Variants in ATP2A3 observed in about 807,000 individuals in gnomAD.
ATP2A3 encodes sarcoplasmic/endoplasmic reticulum calcium ATPase 3.
A neutral mutation model predicts 106.8 loss-of-function variants in ATP2A3; 61 were observed. The ratio of observed to expected loss-of-function variants is 0.57; its 90% CI spans 0.46 to 0.71. The LOEUF (loss-of-function observed/expected upper bound fraction) is 0.71. Among genes scored for constraint, ATP2A3 ranks in the 30% least tolerant of loss-of-function variants. The pLI is 0.00. For missense variants in ATP2A3, 1,201 were observed against 1,423.5 expected (o/e 0.84, Z 2.52); for synonymous variants, 611 against 609.3 (o/e 1.00, Z -0.04).
Position 3,929,511 on chromosome 17 carries a change from C to T in ATP2A3, c.2745-66G>A. 2 of 1,353,182 alleles carry T rather than the reference C, an allele frequency of 1.5e-6. No individual in the cohort carries two copies. The highest frequency in any genetic ancestry group is 2.1e-6 in the Non-Finnish European group (2 of 971,866). The allele number at this position is 1,353,182 out of a possible 1,614,324, so 83.8% of individuals were successfully genotyped here. ...GGAGGCCCTGCCAGGCACCCACCCC[C>T]ATGGGAGGAGCCTCACCACTTCTCT... On this transcript the variant is annotated intron_variant, in intron 18 of 20. Transcript: ENST00000397041. The surrounding 1 kb of genome is among the most constrained non-coding windows in gnomAD (Gnocchi z 4.3).
intron 20 of ATP2A3, chr17:3,927,921 C>G (rs772625145): frequency 6.2e-7 from 1 of 1,608,524 alleles, no homozygotes; most frequent in East Asian, 2.2e-5. Flanking sequence ...TAGGCCCCTG[C>G]ACAGCAGTCC....
At chr17:3,962,870 C>T (rs1247403250) in intron 1 of ATP2A3, among the ~76,000 whole-genome samples, 1 of 152,152 alleles carries the variant, frequency 6.6e-6, no homozygotes, top group Non-Finnish European at 1.5e-5. Context: ...GACCTGCCTG[C>T]GCCGGCCCTC....
At chr17:3,937,021 A>G (rs1239141090) in intron 15 of ATP2A3, 2 of 342,950 alleles carry the variant, frequency 5.8e-6, no homozygotes, top group East Asian at 1.5e-4. Context: ...TGCAAAATAT[A>G]CACATTACAC....
chr17:3,951,546 G>GCCCCCCCCCCCCGGCCCCCCCCC, intron 4 of ATP2A3, 35 bp downstream of exon 4: 2 of 1,319,568 alleles, frequency 1.5e-6, no homozygotes, highest in Non-Finnish European at 2.1e-6. Flanking sequence ...CTGGGAGACC[G>GCCCCCCCCCCCCGGCCCCCCCCC]CCCCCCGCCC....
chr17:3,942,635 T>A lies in ATP2A3; in HGVS notation c.1516A>T (p.Thr506Ser). 1 of 1,612,592 alleles carries A rather than the reference T, an allele frequency of 6.2e-7. No individual in the cohort carries two copies. The highest frequency in any genetic ancestry group is 1.1e-5 in the South Asian group (1 of 91,070). The change falls in exon 12 of 21, where the codon ACT (threonine) becomes TCT (serine). Residue 506 changes from threonine to serine, a missense_variant. Around this residue, in one of 2 missense-constraint regions of ATP2A3, gnomAD observed 935 missense variants for 1,176.7 expected, o/e 0.79. Transcript: ENST00000397041. Reference protein sequence around the residue: ...VYCTPTRPHPTGQGSKMFVKG... With the variant: ...VYCTPTRPHPSGQGSKMFVKG... The stretch of plus-strand genomic sequence containing the variant: ...ACAAACATCTTGCTGCCCTGGCCAG[T>A]AGGGTGAGGGCGGGTGGGCGTGCAG...
At position 3,953,465 on chromosome 17, in the gene ATP2A3, ACCACTGACC is replaced by A; in HGVS notation, c.137-45_137-37del. The A allele has an allele frequency of 6.2e-7, 1 of 1,603,936 alleles. No individual in the cohort carries two copies. Among genetic ancestry groups the A allele is most frequent in the Non-Finnish European group, 8.5e-7 (1 of 1,171,238 alleles). ...GGGTCATGTGTGAGGCTGGGCCCCC[ACCACTGACC>A]CTGCCCACTCAGAGCTGGGATGGCC... On this transcript the variant is annotated intron_variant, in intron 2 of 20. Coordinates refer to ENST00000397041, the MANE Select transcript of ATP2A3 (RefSeq NM_005173.4). The surrounding 1 kb of genome is among the most constrained non-coding windows in gnomAD (Gnocchi z 5.1).
intron 14 of ATP2A3, 125 bp from the exon 15 acceptor site, chr17:3,937,761 A>T: frequency 1.0e-6 from 1 of 990,410 alleles, no homozygotes; most frequent in Non-Finnish European, 1.5e-6. Flanking sequence ...TAGACAGAAC[A>T]AATGGTGGGT....
Position 3,929,243 on chromosome 17 carries a change from G to T in ATP2A3, c.2862+85C>A. 7.9e-7 allele frequency: 1 copy of T among 1,270,628 alleles called. No individual in the cohort carries two copies. The highest frequency in any genetic ancestry group is 1.1e-6 in the Non-Finnish European group (1 of 907,028). 78.7% of individuals were successfully genotyped at this position (1,270,628 alleles called of 1,614,324 possible). A position where few individuals can be genotyped will look rare whatever the true frequency, so the allele number is the denominator to read the frequency against. On this transcript the variant is annotated intron_variant, in intron 19 of 20. Transcript: ENST00000397041. The surrounding 1 kb of genome is among the most constrained non-coding windows in gnomAD (Gnocchi z 4.3). Reference sequence around the variant, plus strand: ...CCCTCTCCTCCAGGTAGTTTCCATTGCAGGGGGGCCAGAGAGGTCCAGTGA... The same window carrying T: ...CCCTCTCCTCCAGGTAGTTTCCATTTCAGGGGGGCCAGAGAGGTCCAGTGA...
At position 3,924,770 on chromosome 17, in the gene ATP2A3, TC is replaced by T. The variant is rs1275704316; in HGVS notation, c.*651del. 2.2e-6 allele frequency: 1 copy of T among 456,490 alleles called. No individual in the cohort carries two copies. The highest frequency in any genetic ancestry group is 2.0e-5 in the African/African-American group (1 of 50,048). 28.3% of individuals were successfully genotyped at this position (456,490 alleles called of 1,614,324 possible). On this transcript the variant is annotated 3_prime_UTR_variant, in exon 21 of 21. Transcript: ENST00000397041. The surrounding 1 kb of genome is among the most constrained non-coding windows in gnomAD (Gnocchi z 6.4). ...TCCGCCCTCCTGCCGGCTCCTTGTG[TC>T]CGTCTCTCTGACCCTTCACCCGCCC...
chr17:3,945,051 C>A lies in ATP2A3; in HGVS notation c.1184+9G>T. The A allele has an allele frequency of 6.5e-7, 1 of 1,536,580 alleles. No individual in the cohort carries two copies. Among genetic ancestry groups the A allele is most frequent in the Non-Finnish European group, 8.8e-7 (1 of 1,140,154 alleles). ...CGCCCGCCCGCGCGTCCCCTGGCCCCGCACTCACACTTCGCCCTCGGGGGT... is the reference window on the plus strand; with the variant it reads ...CGCCCGCCCGCGCGTCCCCTGGCCCAGCACTCACACTTCGCCCTCGGGGGT... On this transcript the variant is annotated intron_variant, in intron 9 of 20. Transcript: ENST00000397041.
intron 1 of ATP2A3, among the ~76,000 whole-genome samples, chr17:3,958,284 T>C (rs1488360855): frequency 6.6e-6 from 1 of 152,196 alleles, no homozygotes; most frequent in Non-Finnish European, 1.5e-5. Flanking sequence ...GTGAACACGC[T>C]CCAGCCAGAA....
chr17:3,938,494 C>T (rs2053569817), intron 14 of ATP2A3, among the ~76,000 whole-genome samples: 1 of 151,920 alleles, frequency 6.6e-6, no homozygotes, highest in Non-Finnish European at 1.5e-5. Flanking sequence ...GGGGGTGGGG[C>T]AGTGTCAAGG....
At position 3,951,279 on chromosome 17, in the gene ATP2A3, G is replaced by A. The variant is rs2054409857; in HGVS notation, c.435C>T (p.Ile145=). The A allele has an allele frequency of 3.7e-6, 6 of 1,613,576 alleles. No homozygotes were observed. The highest frequency in any genetic ancestry group is 2.2e-5 in the South Asian group (2 of 91,040). ...CCACTTCTACAATGTCCCCTGGGACGATGTCCCGGGCACGGATCCTCTGCA... is the reference window on the plus strand; with the variant it reads ...CCACTTCTACAATGTCCCCTGGGACAATGTCCCGGGCACGGATCCTCTGCA... ...KGVQRIRARD[I]VPGDIVEVAV... is the part of the protein sequence containing the mutation. Residue 145 remains isoleucine, a synonymous_variant, in exon 5 of 21, where the codon ATC becomes ATT. Transcript: ENST00000397041.
rs1002236025 is a variant in ATP2A3, at chr17:3,936,762, G to A, written c.2322-293C>T. ...CACACACACACACACACACGCACAC[G>A]AAGAGGGCATGCCCAAGAATCAGAC... On this transcript the variant is annotated intron_variant, in intron 15 of 20. Coordinates refer to ENST00000397041, the MANE Select transcript of ATP2A3 (RefSeq NM_005173.4). This position sits in a 1 kb window ranked among gnomAD's most constrained non-coding sequence, Gnocchi z 5.4. The A allele has an allele frequency of 1.1e-5, 5 of 458,422 alleles. No homozygotes were observed. The highest frequency in any genetic ancestry group is 3.5e-5 in the Admixed American group (1 of 28,940). 28.4% of individuals were successfully genotyped at this position (458,422 alleles called of 1,614,324 possible).
chr17:3,950,162 A>AT (rs373505320), intron 7 of ATP2A3, among the ~76,000 whole-genome samples: 173 of 138,574 alleles, frequency 1.2e-3, no homozygotes, highest in Admixed American at 2.1e-3. Context: ...AAAAAAAAAT[A>AT]TTTTTTTTTT....
Position 3,930,516 on chromosome 17 carries a change from C to T in ATP2A3, c.2611-82G>A. On this transcript the variant is annotated intron_variant, in intron 17 of 20. Transcript: ENST00000397041. The surrounding 1 kb of genome is among the most constrained non-coding windows in gnomAD (Gnocchi z 5.4). ...TGGGAGGAGGGAAGCCTCATCCTGCCCTTGGCCCACGCCTGGGCACAACCA... is the reference window on the plus strand; with the variant it reads ...TGGGAGGAGGGAAGCCTCATCCTGCTCTTGGCCCACGCCTGGGCACAACCA... The T allele has an allele frequency of 6.3e-7, 1 of 1,585,456 alleles. No individual in the cohort carries two copies.
chr17:3,937,716 C>A, intron 14 of ATP2A3, 80 bp from the exon 15 acceptor site: 1 of 1,377,260 alleles, frequency 7.3e-7, no homozygotes, highest in Non-Finnish European at 1.0e-6. Flanking sequence ...AGCCCACCCC[C>A]AATCTTAGGG....
Position 3,944,739 on chromosome 17 carries a change from C to G in ATP2A3, c.1252G>C (p.Ala418Pro). The G allele has an allele frequency of 6.2e-7, 1 of 1,613,230 alleles. No individual in the cohort carries two copies. The highest frequency in any genetic ancestry group is 8.5e-7 in the Non-Finnish European group (1 of 1,179,684). Residue 418 changes from alanine to proline, a missense_variant, in exon 10 of 21, where the codon GCC (alanine) becomes CCC (proline). Around this residue, in one of 2 missense-constraint regions of ATP2A3, gnomAD observed 935 missense variants for 1,176.7 expected, o/e 0.79. Transcript: ENST00000397041. ...DGLVELATIC[A>P]LCNDSALDYN... ...TCCAGAGCCGAGTCGTTGCACAGGG[C>G]GCAGATGGTCGCCAGCTCCACCAGC...
At chr17:3,960,383 C>T (rs928348798) in intron 1 of ATP2A3, among the ~76,000 whole-genome samples, 3 of 152,244 alleles carry the variant, frequency 2.0e-5, no homozygotes, top group African/African-American at 7.2e-5. Flanking sequence ...ACCTGGCAGC[C>T]CTGGGGCCAA....
Sources: gnomAD v4.1 joint callset for allele counts (sites outside exome capture counted in the v4.1 genomes callset) on GRCh38, gnomAD v4.1.1 for gene constraint, gnomAD v4.1.1 regional missense constraint, Gnocchi (gnomAD v3.1) non-coding constraint, MANE v1.5 for transcripts, NCBI Gene and HGNC (gene_info 2026-07-23, HGNC 2026-07-21) for gene names.